CENPF: variants seen among roughly 807,000 people sequenced by gnomAD.
The protein encoded by CENPF is centromere protein F.
Under a neutral mutation model 307.3 loss-of-function variants are expected in CENPF, and 214 were observed. The ratio of observed to expected loss-of-function variants is 0.70; its 90% confidence interval spans 0.62 to 0.78. The LOEUF is 0.78. CENPF is among the 30% of genes least tolerant of loss of function. The pLI is 0.00. For synonymous variants in CENPF, 1,259 were observed against 1,270.6 expected, an observed-to-expected ratio of 0.99 and a Z score of 0.19; for missense variants, 3,401 against 3,483.9, an observed-to-expected ratio of 0.98 and a Z score of 0.60.
rs1020042608 is a variant in CENPF at position 214,630,806 on chromosome 1, G to A, written c.1323+144G>A. 1.0e-5 allele frequency: 11 copies of A among 1,057,400 alleles called. No homozygotes were observed. The African/African-American group carries it at 1.6e-4, about 15-fold the overall frequency. 65.5% of individuals were successfully genotyped at this position (1,057,400 alleles called of 1,614,324 possible). On this transcript the variant is annotated intron_variant, in intron 9 of 19. Coordinates refer to ENST00000366955, the MANE Select transcript of CENPF (RefSeq NM_016343.4). ...TCCCTATCAAAGTGGAGAATGTACA[G>A]AACCATTCTGGCTCTAGGTTTCCTC...
intron 5 of CENPF, 106 bp downstream of exon 5, chr1:214,619,326 TTG>T (rs1005336989): frequency 3.1e-4 from 186 of 600,766 alleles, no homozygotes; most frequent in South Asian, 6.1e-4. Context: ...GCTGGCCTTT[TTG>T]TGTGTGTGTG....
At chr1:214,611,735 G>A (rs1298892666) in intron 1 of CENPF, among the ~76,000 whole-genome samples, 2 of 152,198 alleles carry the variant, frequency 1.3e-5, no homozygotes, top group East Asian at 3.9e-4. Context: ...TATTCATATT[G>A]TGGCAATCGT....
intron 14 of CENPF, among the ~76,000 whole-genome samples, chr1:214,651,335 T>A (rs1196198973): frequency 3.3e-5 from 5 of 152,018 alleles, no homozygotes; most frequent in Non-Finnish European, 7.4e-5. Context: ...CCGGAGGGGA[T>A]TTGGTGTGAA....
chr1:214,653,199 C>A, intron 16 of CENPF: 1 of 514,026 alleles, frequency 1.9e-6, no homozygotes, highest in South Asian at 2.0e-5. Flanking sequence ...CTATCCATTG[C>A]CTCATGCATC....
In CENPF at chr1:214,638,123, A is replaced by G. The variant is rs12047923; in HGVS notation, c.1582+122A>G. ...TTTTTTCATATATTCCCTCAAAAAG[A>G]TGTGCGCAGTTGATGTGGAAGAGTT... On this transcript the variant is annotated intron_variant, in intron 11 of 19. Coordinates refer to ENST00000366955, the MANE Select transcript of CENPF (RefSeq NM_016343.4). 6.8e-6 allele frequency: 7 copies of G among 1,023,570 alleles called. No individual in the cohort carries two copies. The East Asian group carries it at 1.7e-4, about 24-fold the overall frequency. 63.4% of individuals were successfully genotyped at this position (1,023,570 alleles called of 1,614,324 possible).
chr1:214,652,761 T>TG, intron 15 of CENPF, 67 bp from the exon 16 acceptor site: 1 of 1,400,598 alleles, frequency 7.1e-7, no homozygotes, highest in South Asian at 1.4e-5. Context: ...TTTTTCTGAC[T>TG]ATTTTTTTTT....
chr1:214,613,116 A>T (rs944845907), intron 1 of CENPF: 3 of 285,000 alleles, frequency 1.1e-5, no homozygotes, highest in African/African-American at 6.7e-5. Context: ...ACTCCATTAC[A>T]ACTATTAACC....
chr1:214,621,992 C>A, intron 6 of CENPF, 87 bp from the exon 7 acceptor site: 1 of 1,076,872 alleles, frequency 9.3e-7, no homozygotes, highest in Non-Finnish European at 1.3e-6. Context: ...TCAAAGATTT[C>A]AGAAAAGAAT....
intron 15 of CENPF, among the ~76,000 whole-genome samples, chr1:214,652,589 G>C (rs181902203): frequency 6.6e-6 from 1 of 150,900 alleles, no homozygotes; most frequent in Non-Finnish European, 1.5e-5. Context: ...GATTATAGGC[G>C]CCTGCCACCA....
intron 2 of CENPF, among the ~76,000 whole-genome samples, chr1:214,614,518 G>A (rs1271543301): frequency 1.3e-5 from 2 of 152,138 alleles, no homozygotes; most frequent in East Asian, 3.8e-4. Flanking sequence ...ACTGGTTTTA[G>A]CAGCCAAACT....
intron 12 of CENPF, 65 bp from the exon 13 acceptor site, chr1:214,644,492 A>G (rs1658223151): frequency 2.8e-6 from 4 of 1,443,150 alleles, no homozygotes. Context: ...GTAATAACTA[A>G]ATCTATTCTA....
intron 1 of CENPF, among the ~76,000 whole-genome samples, chr1:214,607,051 C>T (rs904489986): frequency 6.6e-6 from 1 of 152,230 alleles, no homozygotes; most frequent in Non-Finnish European, 1.5e-5. Flanking sequence ...CCACAGCTCG[C>T]CACTCACCCA....
chr1:214,639,388 G>A (rs1658046205), intron 11 of CENPF, among the ~76,000 whole-genome samples: 1 of 152,152 alleles, frequency 6.6e-6, no homozygotes, highest in African/African-American at 2.4e-5. Context: ...TAGGCCTTGA[G>A]AATTACTGAT....
At chr1:214,628,173 C>G (rs931852977) in intron 7 of CENPF, among the ~76,000 whole-genome samples, 1 of 152,102 alleles carries the variant, frequency 6.6e-6, no homozygotes, top group Non-Finnish European at 1.5e-5. Context: ...GTCATATACT[C>G]TTATATGAAT....
intron 6 of CENPF, 54 bp downstream of exon 6, chr1:214,621,000 G>A: frequency 1.3e-6 from 2 of 1,500,422 alleles, no homozygotes. Context: ...TAATTTCACA[G>A]GTGATTTCAG....
At chr1:214,625,323 T>G (rs1034324555) in intron 7 of CENPF, among the ~76,000 whole-genome samples, 5 of 152,140 alleles carry the variant, frequency 3.3e-5, no homozygotes, top group Non-Finnish European at 7.4e-5. Flanking sequence ...CAAGTGATTC[T>G]CCTGCCTCAT....
chr1:214,614,502 A>T (rs1657283564), intron 2 of CENPF, among the ~76,000 whole-genome samples: 1 of 152,244 alleles, frequency 6.6e-6, no homozygotes, highest in African/African-American at 2.4e-5. Context: ...CTGGTTTCTA[A>T]CAATAACTGG....
At position 214,664,519 on chromosome 1, in the gene CENPF, A is replaced by G. The variant is rs899018719; in HGVS notation, c.*725A>G. ...TAAGCATTGTCGTATCTGGTGATGG[A>G]TTAACATATAGCCTTTGTTTTCTAA... On this transcript the variant is annotated 3_prime_UTR_variant, in exon 20 of 20. Transcript: ENST00000366955. The G allele has an allele frequency of 4.6e-5, 7 of 152,134 alleles. No individual in the cohort carries two copies. Among genetic ancestry groups the G allele is most frequent in the Admixed American group, 4.6e-4 (7 of 15,274 alleles). The allele number at this position is 152,134 out of a possible 1,614,324, so 9.4% of individuals were successfully genotyped here.
At chr1:214,648,993 TCC>T (rs1658388437) in intron 14 of CENPF, among the ~76,000 whole-genome samples, 166 bp downstream of exon 14, 1 of 152,162 alleles carries the variant, frequency 6.6e-6, no homozygotes. Flanking sequence ...ATCTCTACCA[TCC>T]AGCACTATCA....
Sources: gnomAD v4.1 joint callset for allele counts (sites outside exome capture counted in the v4.1 genomes callset) on GRCh38, gnomAD v4.1.1 for gene constraint, MANE v1.5 for transcripts, NCBI Gene and HGNC (gene_info 2026-07-23, HGNC 2026-07-21) for gene names.